The following STARD3NL variants were observed in gnomAD, a reference collection of about 807,000 sequenced individuals.
The protein encoded by STARD3NL is STARD3 N-terminal-like protein.
STARD3NL carries 17 observed loss-of-function variants against 30.9 expected under a neutral mutation model. That is an observed-to-expected ratio of 0.55 (90% CI 0.38 to 0.82). The LOEUF (loss-of-function observed/expected upper bound fraction) is 0.82. Ranked by LOEUF, STARD3NL falls within the 40% of genes least tolerant of loss-of-function variation. STARD3NL has a pLI of 0.00. For synonymous variants in STARD3NL, 112 were observed against 100.5 expected (o/e 1.11, Z -0.69); for missense variants, 234 against 277.6 (o/e 0.84, Z 1.12).
rs1393271915 is a variant in STARD3NL at position 38,187,389 on chromosome 7, A to AT, written c.-59+8976dup. Among the ~76,000 whole-genome samples the AT allele has an allele frequency of 3.3e-5, 5 of 152,168 alleles. No individual in the cohort carries two copies. In the South Asian group the frequency reaches 1.0e-3, roughly 32 times the overall value. On this transcript the variant is annotated intron_variant, in intron 1 of 8. Transcript: ENST00000009041. ...AGTTATTGTCAATAATATATACTTG[A>AT]TTTTTTTCCCTCTCTTCAGTCATTC...
intron 2 of STARD3NL, among the ~76,000 whole-genome samples, chr7:38,213,984 G>A (rs78668496): frequency 0.034 from 5,111 of 152,280 alleles, 174 homozygotes; most frequent in East Asian, 0.17. Flanking sequence ...ACAGTGGAGC[G>A]TGATCAGAAA....
At chr7:38,207,317 T>TCATGAAAA (rs1268244122) in intron 1 of STARD3NL, 130 bp from the exon 2 acceptor site, 1 of 586,298 alleles carries the variant, frequency 1.7e-6, no homozygotes, top group Non-Finnish European at 3.0e-6. Flanking sequence ...CTTTATGTCT[T>TCATGAAAA]CATGAAAACA....
At position 38,186,294 on chromosome 7, in the gene STARD3NL, T is replaced by C. The variant is rs564122218; in HGVS notation, c.-59+7874T>C. ...TTCGCACTAGCCATCAGGTATTTTA[T>C]AACTGATGTATTGTGTGATTTTTTA... On this transcript the variant is annotated intron_variant, in intron 1 of 8. Coordinates refer to ENST00000009041, the MANE Select transcript of STARD3NL (RefSeq NM_032016.4). Among the ~76,000 whole-genome samples, 7 of 152,354 alleles carry C rather than the reference T, an allele frequency of 4.6e-5. No homozygotes were observed. In the South Asian group the frequency reaches 1.5e-3, roughly 32 times the overall value.
At chr7:38,195,917 G>A (rs1319567707) in intron 1 of STARD3NL, among the ~76,000 whole-genome samples, 2 of 152,126 alleles carry the variant, frequency 1.3e-5, no homozygotes, top group Non-Finnish European at 2.9e-5. Flanking sequence ...TATCACATTG[G>A]TGACATTATT....
chr7:38,207,338 A>C, intron 1 of STARD3NL, 109 bp from the exon 2 acceptor site: 1 of 603,330 alleles, frequency 1.7e-6, no homozygotes, highest in Non-Finnish European at 2.9e-6. Context: ...TAAATCAGTC[A>C]AGGTACTCTG....
chr7:38,190,929 T>C (rs907854937), intron 1 of STARD3NL, among the ~76,000 whole-genome samples: 4 of 152,202 alleles, frequency 2.6e-5, no homozygotes, highest in East Asian at 3.8e-4. Context: ...ATTGATGTTA[T>C]ATAGTTCTTG....
chr7:38,202,851 G>T (rs1452660328), intron 1 of STARD3NL, among the ~76,000 whole-genome samples: 1 of 150,884 alleles, frequency 6.6e-6, no homozygotes, highest in African/African-American at 2.4e-5. Flanking sequence ...GTGATAGTTT[G>T]CTGAGAATGA....
chr7:38,211,969 T>C lies in STARD3NL; in HGVS notation c.226-2388T>C, dbSNP rs560820923. 4.6e-5 allele frequency among the ~76,000 whole-genome samples: 7 copies of C among 152,176 alleles called. No homozygotes were observed. The South Asian group carries it at 1.5e-3, about 32-fold the overall frequency. ...TGTTTCTCCTTTTCCACTGTTTCCC[T>C]TCTTTTCCACTGTTTCCCTTTCTTT... On this transcript the variant is annotated intron_variant, in intron 2 of 8. Transcript: ENST00000009041.
chr7:38,229,163 G>A (rs888756755), intron 8 of STARD3NL, among the ~76,000 whole-genome samples: 41 of 152,360 alleles, frequency 2.7e-4, no homozygotes, highest in African/African-American at 9.1e-4. Flanking sequence ...ACATGTCATT[G>A]TTTTAATGAC....
intron 1 of STARD3NL, among the ~76,000 whole-genome samples, chr7:38,180,684 C>G (rs1206666589): frequency 1.3e-5 from 2 of 152,208 alleles, no homozygotes; most frequent in Non-Finnish European, 2.9e-5. Context: ...TACTTCAAAG[C>G]CTAATTCATT....
chr7:38,212,059 G>A (rs974014610), intron 2 of STARD3NL, among the ~76,000 whole-genome samples: 3 of 151,986 alleles, frequency 2.0e-5, no homozygotes, highest in South Asian at 4.2e-4. Context: ...CTGGCTGGTC[G>A]CCTGCTTCCT....
chr7:38,207,471 G>A lies in STARD3NL; in HGVS notation c.-34G>A, dbSNP rs1179622129. On this transcript the variant is annotated 5_prime_UTR_variant, in exon 2 of 9. Coordinates refer to ENST00000009041, the MANE Select transcript of STARD3NL (RefSeq NM_032016.4). ...GGTGTCTTCTCTTTAGGGATGGTGA[G>A]GTTGGAAAAAGGCTCCTGTAACCCT... 4.4e-6 allele frequency: 7 copies of A among 1,590,316 alleles called. No homozygotes were observed. Among genetic ancestry groups the A allele is most frequent in the Non-Finnish European group, 6.0e-6 (7 of 1,161,032 alleles).
chr7:38,202,526 T>C (rs1375184280), intron 1 of STARD3NL, among the ~76,000 whole-genome samples: 1 of 152,212 alleles, frequency 6.6e-6, no homozygotes, highest in African/African-American at 2.4e-5. Context: ...GAGAGAATCA[T>C]TGGTAATATC....
chr7:38,215,376 T>C, intron 4 of STARD3NL: 1 of 458,600 alleles, frequency 2.2e-6, no homozygotes, highest in Non-Finnish European at 3.9e-6. Context: ...CAAGCCACCC[T>C]CTACCTCATT....
chr7:38,226,992 C>G (rs979688230), intron 7 of STARD3NL, among the ~76,000 whole-genome samples: 1 of 152,202 alleles, frequency 6.6e-6, no homozygotes, highest in African/African-American at 2.4e-5. Context: ...ATAAACATTT[C>G]TCCAGTTGTT....
intron 1 of STARD3NL, among the ~76,000 whole-genome samples, chr7:38,181,806 T>C (rs1784259187): frequency 6.6e-6 from 1 of 152,142 alleles, no homozygotes; most frequent in Admixed American, 6.5e-5. Context: ...TTGACCACCA[T>C]CTTCTGCCAT....
intron 1 of STARD3NL, among the ~76,000 whole-genome samples, chr7:38,187,761 G>A (rs973992918): frequency 6.6e-6 from 1 of 152,018 alleles, no homozygotes; most frequent in African/African-American, 2.4e-5. Context: ...TCTCGACTTG[G>A]ATATTAATAA....
Position 38,208,588 on chromosome 7 carries a change from G to A in STARD3NL, c.225+859G>A, listed in dbSNP as rs143150098. On this transcript the variant is annotated intron_variant, in intron 2 of 8. Transcript: ENST00000009041. ...ACATTTCTTACCAACCAATAGGTGA[G>A]CTCCTCCAGGAGGTTTTCCTCACAA... 8.6e-3 allele frequency among the ~76,000 whole-genome samples: 1,310 copies of A among 152,232 alleles called. 2 individuals carry two copies. The highest frequency in any genetic ancestry group is 0.024 in the Middle Eastern group (7 of 294).
At chr7:38,212,322 T>C (rs1266735952) in intron 2 of STARD3NL, among the ~76,000 whole-genome samples, 2 of 152,222 alleles carry the variant, frequency 1.3e-5, no homozygotes, top group East Asian at 3.8e-4. Flanking sequence ...CCTTTCTATC[T>C]TGGGACCCTT....
Sources: allele counts gnomAD v4.1 joint callset (sites outside exome capture counted in the v4.1 genomes callset), GRCh38; gene constraint gnomAD v4.1.1; transcripts MANE v1.5; gene names NCBI Gene and HGNC (gene_info 2026-07-23, HGNC 2026-07-21).